The following ELAVL2 variants were observed in gnomAD, a reference collection of about 807,000 sequenced individuals.
ELAVL2 encodes ELAV like RNA binding protein 2.
Under a neutral mutation model 34.6 loss-of-function variants are expected in ELAVL2, and 4 were observed. The ratio of observed to expected loss-of-function variants is 0.12; its 90% CI spans 0.06 to 0.26. The LOEUF (loss-of-function observed/expected upper bound fraction) is 0.26, where lower values mean the gene tolerates loss of function less well. Ranked by LOEUF, ELAVL2 falls within the 10% of genes least tolerant of loss-of-function variation. The pLI, the probability that ELAVL2 is intolerant of heterozygous loss-of-function variation, is 1.00. For synonymous variants in ELAVL2, 193 were observed against 154.8 expected, an observed-to-expected ratio of 1.25 and a Z score of -1.83; for missense variants, 432 against 442.8, an observed-to-expected ratio of 0.98 and a Z score of 0.22.
intron 3 of ELAVL2, among the ~76,000 whole-genome samples, chr9:23,729,796 T>C (rs1392911849): frequency 2.0e-5 from 3 of 152,002 alleles, no homozygotes; most frequent in South Asian, 2.1e-4. Flanking sequence ...TCAAAACCAC[T>C]CAGGGCTAAT....
At chr9:23,771,682 T>C (rs1411407970) in intron 1 of ELAVL2, among the ~76,000 whole-genome samples, 1 of 152,170 alleles carries the variant, frequency 6.6e-6, no homozygotes, top group African/African-American at 2.4e-5. Context: ...GTAATCTATG[T>C]GAGCCCCCTT....
In ELAVL2 at chr9:23,724,334, G is replaced by T. The variant is rs181149349; in HGVS notation, c.333+6688C>A. Among the ~76,000 whole-genome samples, 7 of 152,022 alleles carry T rather than the reference G, an allele frequency of 4.6e-5. No individual in the cohort carries two copies. In the East Asian group the frequency reaches 1.4e-3, roughly 29 times the overall value. On this transcript the variant is annotated intron_variant, in intron 3 of 6. Transcript: ENST00000397312. ...CCAACAACTGTGGGAAAATCTAAAG[G>T]AAATCCATTGGAAGAATGCCTAGTT...
At chr9:23,742,319 T>G (rs1170249960) in intron 2 of ELAVL2, among the ~76,000 whole-genome samples, 1 of 152,172 alleles carries the variant, frequency 6.6e-6, no homozygotes, top group East Asian at 1.9e-4. Flanking sequence ...GGACAAAGTG[T>G]TAATAACTAC....
At chr9:23,728,501 T>C (rs1564120180) in intron 3 of ELAVL2, among the ~76,000 whole-genome samples, 1 of 152,028 alleles carries the variant, frequency 6.6e-6, no homozygotes, top group Non-Finnish European at 1.5e-5. Flanking sequence ...CTCAGCCAGA[T>C]GATAGGGTAA....
At chr9:23,745,380 C>A (rs2135371283) in intron 2 of ELAVL2, among the ~76,000 whole-genome samples, 1 of 152,230 alleles carries the variant, frequency 6.6e-6, no homozygotes, top group Non-Finnish European at 1.5e-5. Flanking sequence ...ATTCCCCTGC[C>A]CTACCCACCA....
intron 1 of ELAVL2, among the ~76,000 whole-genome samples, chr9:23,818,395 T>A (rs1303967287): frequency 1.3e-5 from 2 of 152,268 alleles, no homozygotes; most frequent in East Asian, 1.9e-4. Context: ...AATTTCAAGA[T>A]TGGGTAGGAT....
Position 23,692,491 on chromosome 9 carries a change from A to C in ELAVL2, c.*66T>G, listed in dbSNP as rs2033466284. On this transcript the variant is annotated 3_prime_UTR_variant, in exon 7 of 7. Coordinates refer to ENST00000397312, the MANE Select transcript of ELAVL2 (RefSeq NM_004432.5). Reference sequence around the variant, plus strand: ...TTACAAAGACATTTACTAATGTATAAAGTTTCTCTTAACTTGCCTTTGTTG... The same window carrying C: ...TTACAAAGACATTTACTAATGTATACAGTTTCTCTTAACTTGCCTTTGTTG... 2 of 1,481,418 alleles carry C rather than the reference A, an allele frequency of 1.4e-6. No homozygotes were observed. Among genetic ancestry groups the C allele is most frequent in the Non-Finnish European group, 1.8e-6 (2 of 1,102,720 alleles). The allele number at this position is 1,481,418 out of a possible 1,614,324, so 91.8% of individuals were successfully genotyped here.
intron 1 of ELAVL2, among the ~76,000 whole-genome samples, chr9:23,819,772 A>G (rs2064267761): frequency 6.6e-6 from 1 of 152,238 alleles, no homozygotes; most frequent in African/African-American, 2.4e-5. Context: ...CAAAGGAGGA[A>G]TCACAGAAAA....
intron 1 of ELAVL2, among the ~76,000 whole-genome samples, chr9:23,788,217 G>A (rs895451132): frequency 6.6e-6 from 1 of 152,170 alleles, no homozygotes; most frequent in African/African-American, 2.4e-5. Context: ...ACAAGTGAGT[G>A]ACAATAAACA....
chr9:23,788,065 T>G (rs2059909389), intron 1 of ELAVL2, among the ~76,000 whole-genome samples: 1 of 152,208 alleles, frequency 6.6e-6, no homozygotes, highest in East Asian at 1.9e-4. Flanking sequence ...GTTAGAAAAT[T>G]TTTACTTTTA....
At chr9:23,713,435 T>C (rs185127364) in intron 3 of ELAVL2, among the ~76,000 whole-genome samples, 1 of 152,254 alleles carries the variant, frequency 6.6e-6, no homozygotes, top group Non-Finnish European at 1.5e-5. Context: ...AATCAAAATG[T>C]TCCATGTTCC....
Position 23,743,106 on chromosome 9 carries a change from A to G in ELAVL2, c.230-11981T>C, listed in dbSNP as rs78653822. 7.2e-5 allele frequency among the ~76,000 whole-genome samples: 11 copies of G among 152,310 alleles called. No individual in the cohort carries two copies. In the East Asian group the frequency reaches 2.1e-3, roughly 29 times the overall value. On this transcript the variant is annotated intron_variant, in intron 2 of 6. Transcript: ENST00000397312. ...TTGAGCTGTACATGGTTAAAGTTGT[A>G]AAGGCTATGGGTCAGATGGGAACCA...
At chr9:23,800,378 C>A (rs1365016512) in intron 1 of ELAVL2, among the ~76,000 whole-genome samples, 1 of 152,096 alleles carries the variant, frequency 6.6e-6, no homozygotes, top group Non-Finnish European at 1.5e-5. Context: ...CTAAGTGCAC[C>A]CTTCACAACC....
At chr9:23,799,869 A>G (rs1354995109) in intron 1 of ELAVL2, among the ~76,000 whole-genome samples, 3 of 152,186 alleles carry the variant, frequency 2.0e-5, no homozygotes, top group African/African-American at 4.8e-5. Context: ...GTAGTTTCCC[A>G]TTCTCTTTCC....
chr9:23,705,363 T>C (rs956726545), intron 3 of ELAVL2, among the ~76,000 whole-genome samples: 2 of 152,214 alleles, frequency 1.3e-5, no homozygotes, highest in African/African-American at 2.4e-5. Flanking sequence ...AGATTATTAC[T>C]AAAAATGGTC....
chr9:23,762,370 C>T, intron 1 of ELAVL2, 121 bp from the exon 2 acceptor site: 32 of 1,315,030 alleles, frequency 2.4e-5, no homozygotes, highest in Non-Finnish European at 3.2e-5. Context: ...TACAACAATG[C>T]TTCAACAAAA....
At chr9:23,840,260 A>G in the ELAVL2 span, among the ~76,000 whole-genome samples, 1 of 152,222 alleles carries the variant, frequency 6.6e-6, no homozygotes, top group Non-Finnish European at 1.5e-5. Flanking sequence ...ACAGAACTGG[A>G]TAAAGGAAAG....
chr9:23,771,436 T>C (rs1220372239), intron 1 of ELAVL2, among the ~76,000 whole-genome samples: 4 of 151,930 alleles, frequency 2.6e-5, no homozygotes, highest in Non-Finnish European at 5.9e-5. Context: ...TAAATCTATA[T>C]ATAGATATAT....
At chr9:23,799,241 T>A (rs810681) in intron 1 of ELAVL2, among the ~76,000 whole-genome samples, 50,410 of 152,038 alleles carry the variant, frequency 0.33, 9,323 homozygotes, top group East Asian at 0.51. Flanking sequence ...TATGACTTCT[T>A]AACAAGCGAA....
Sources: gnomAD v4.1 joint callset for allele counts (sites outside exome capture counted in the v4.1 genomes callset) on GRCh38, gnomAD v4.1.1 for gene constraint, MANE v1.5 for transcripts, NCBI Gene and HGNC (gene_info 2026-07-23, HGNC 2026-07-21) for gene names.